The following SGCZ variants were observed in gnomAD, a reference collection of about 807,000 sequenced individuals.
The protein encoded by SGCZ is sarcoglycan zeta.
Under a neutral mutation model 41.3 loss-of-function variants are expected in SGCZ, and 40 were observed. The observed-to-expected ratio is 0.97, with a 90% CI of 0.75 to 1.26. The LOEUF is 1.26. Among genes scored for constraint, SGCZ ranks in the 50% most tolerant of loss-of-function variants. The pLI, the probability that SGCZ is intolerant of heterozygous loss-of-function variation, is 0.00. For missense variants in SGCZ, 552 were observed against 369.8 expected (o/e 1.49, Z -4.04); for synonymous variants, 206 against 137.5 (o/e 1.50, Z -3.49).
chr8:14,812,444 C>A (rs1290049580), intron 1 of SGCZ, among the ~76,000 whole-genome samples: 1 of 152,034 alleles, frequency 6.6e-6, no homozygotes, highest in East Asian at 1.9e-4. Context: ...TGTTTGTCAA[C>A]AAGGTAAAAC....
At chr8:15,186,661 T>C (rs556057267) in intron 1 of SGCZ, among the ~76,000 whole-genome samples, 1 of 152,188 alleles carries the variant, frequency 6.6e-6, no homozygotes, top group African/African-American at 2.4e-5. Context: ...CTTCACAAAG[T>C]TGCAGAAGGT....
intron 1 of SGCZ, among the ~76,000 whole-genome samples, chr8:14,769,737 G>A (rs1800167773): frequency 7.2e-6 from 1 of 139,328 alleles, no homozygotes; most frequent in African/African-American, 2.9e-5. Flanking sequence ...AGAGGTTGCA[G>A]TGAGCCAAGA....
At chr8:14,328,050 C>A in intron 2 of SGCZ, among the ~76,000 whole-genome samples, 1 of 152,188 alleles carries the variant, frequency 6.6e-6, no homozygotes. Flanking sequence ...GTCTATTTCT[C>A]CCTTTCTTTT....
intron 1 of SGCZ, among the ~76,000 whole-genome samples, chr8:14,929,661 CT>C (rs752469315): frequency 5.3e-5 from 8 of 152,106 alleles, no homozygotes; most frequent in South Asian, 2.1e-4. Flanking sequence ...GTGGAACCAC[CT>C]TTTGTAAGGC....
chr8:15,237,668 C>T lies in SGCZ; in HGVS notation c.-45G>A, dbSNP rs1415450862. 1 of 1,559,360 alleles carries T rather than the reference C, an allele frequency of 6.4e-7. No homozygotes were observed. The highest frequency in any genetic ancestry group is 1.9e-5 in the Admixed American group (1 of 52,804). ...TGGAGAGGAACCGGGCGAGTGGCAC[C>T]CAAAAACAATCTAGTCTTTTAGTTT... is the stretch of plus-strand genomic sequence containing the variant. On this transcript the variant is annotated 5_prime_UTR_variant, in exon 1 of 8. Coordinates refer to ENST00000382080, the MANE Select transcript of SGCZ (RefSeq NM_139167.4).
rs1390641230 is a variant in SGCZ at position 15,119,401 on chromosome 8, A to G, written c.39+118184T>C. On this transcript the variant is annotated intron_variant, in intron 1 of 7. Transcript: ENST00000382080. ...AAAAATTAGCTGAGCATGGTGGTCC[A>G]GGCCTGTGGTCCCAGCTACTCAGGA... is the stretch of plus-strand genomic sequence containing the variant. Among the ~76,000 whole-genome samples, 3 of 151,904 alleles carry G rather than the reference A, an allele frequency of 2.0e-5. No homozygotes were observed. The South Asian group carries it at 6.2e-4, about 32-fold the overall frequency.
chr8:14,918,962 T>G (rs554870483), intron 1 of SGCZ, among the ~76,000 whole-genome samples: 17 of 152,304 alleles, frequency 1.1e-4, no homozygotes, highest in African/African-American at 3.8e-4. Flanking sequence ...GAAGGAAGAC[T>G]GGGGGGTTTC....
rs1419943831 is a variant in SGCZ at position 15,060,524 on chromosome 8, T to TGG, written c.39+177059_39+177060dup. ...TGACACACCGGGGCCTGTTGTGGGG[T>TGG]GGGGGGAGGGGGGAGGGATAGCATT... On this transcript the variant is annotated intron_variant, in intron 1 of 7. Coordinates refer to ENST00000382080, the MANE Select transcript of SGCZ (RefSeq NM_139167.4). Among the ~76,000 whole-genome samples the TGG allele has an allele frequency of 6.7e-3, 246 of 36,572 alleles. 1 individual carries two copies. Among genetic ancestry groups the TGG allele is most frequent in the Middle Eastern group, 0.038 (1 of 26 alleles). 24.0% of individuals were successfully genotyped at this position (36,572 alleles called of 152,430 possible).
chr8:14,332,336 G>A (rs953490505), intron 2 of SGCZ, among the ~76,000 whole-genome samples: 2 of 152,134 alleles, frequency 1.3e-5, no homozygotes, highest in Non-Finnish European at 2.9e-5. Context: ...AGCTACTCAG[G>A]AGGTTGGGGC....
At chr8:14,438,724 A>T (rs960394687) in intron 2 of SGCZ, among the ~76,000 whole-genome samples, 8 of 151,986 alleles carry the variant, frequency 5.3e-5, no homozygotes, top group African/African-American at 2.4e-5. Context: ...CTTAATTTTA[A>T]TTTTTTTAAA....
At chr8:14,746,118 T>C (rs1245853111) in intron 1 of SGCZ, among the ~76,000 whole-genome samples, 1 of 152,066 alleles carries the variant, frequency 6.6e-6, no homozygotes, top group South Asian at 2.1e-4. Context: ...TCTATAAATA[T>C]ATTTGTACAG....
In SGCZ at chr8:14,791,021, A is replaced by G. The variant is rs1470186160; in HGVS notation, c.40-236095T>C. On this transcript the variant is annotated intron_variant, in intron 1 of 7. Coordinates refer to ENST00000382080, the MANE Select transcript of SGCZ (RefSeq NM_139167.4). ...CCTCAAGCCTGGGCAACAGAGTGAG[A>G]CTCTGTCTCAAAAAAAAAAGAAAAA... 1.2e-4 allele frequency among the ~76,000 whole-genome samples: 18 copies of G among 147,776 alleles called. No homozygotes were observed. The Admixed American group carries it at 1.2e-3, about 10-fold the overall frequency.
intron 5 of SGCZ, among the ~76,000 whole-genome samples, chr8:14,151,363 C>T (rs1175400314): frequency 3.3e-5 from 5 of 151,348 alleles, no homozygotes; most frequent in Non-Finnish European, 5.9e-5. Context: ...CACTTCAAAG[C>T]CAAATTAAAA....
chr8:14,347,003 T>C (rs767344523), intron 2 of SGCZ, among the ~76,000 whole-genome samples: 3 of 152,186 alleles, frequency 2.0e-5, no homozygotes, highest in African/African-American at 4.8e-5. Context: ...AAAATGCTTA[T>C]CCTAACATTT....
chr8:14,715,731 T>C (rs1028182365), intron 1 of SGCZ, among the ~76,000 whole-genome samples: 1 of 152,172 alleles, frequency 6.6e-6, no homozygotes, highest in African/African-American at 2.4e-5. Context: ...GTTTTGTCAG[T>C]ACCAATAGAG....
At position 15,237,778 on chromosome 8, in the gene SGCZ, G is replaced by C. The variant is rs186216935; in HGVS notation, c.-155C>G. On this transcript the variant is annotated 5_prime_UTR_variant, in exon 1 of 8. Coordinates refer to ENST00000382080, the MANE Select transcript of SGCZ (RefSeq NM_139167.4). ...TCCGTGGTCACGCCGCCTCCACCGG[G>C]TTAAAAATAAGGAAAATAAATAAAT... The C allele has an allele frequency of 5.7e-3, 3,648 of 637,314 alleles. 15 individuals are homozygous for C. The highest frequency in any genetic ancestry group is 7.9e-3 in the Non-Finnish European group (2,838 of 361,512). 39.5% of individuals were successfully genotyped at this position (637,314 alleles called of 1,614,324 possible). A position where few individuals can be genotyped will look rare whatever the true frequency, so the allele number is the denominator to read the frequency against.
chr8:14,457,410 G>T (rs1327360665), intron 2 of SGCZ, among the ~76,000 whole-genome samples: 8 of 152,188 alleles, frequency 5.3e-5, no homozygotes, highest in Admixed American at 5.2e-4. Context: ...AACAACACCC[G>T]CTACTTAGCA....
rs576277955 is a variant in SGCZ at position 14,918,440 on chromosome 8, C to T, written c.39+319145G>A. On this transcript the variant is annotated intron_variant, in intron 1 of 7. Coordinates refer to ENST00000382080, the MANE Select transcript of SGCZ (RefSeq NM_139167.4). ...TGTTTTTAAATAAAATTTATCATTT[C>T]GGTTTTAAACAAATTTTACACAGCT... Among the ~76,000 whole-genome samples the T allele has an allele frequency of 1.1e-3, 170 of 152,046 alleles. 2 individuals are homozygous for T. Among genetic ancestry groups the T allele is most frequent in the African/African-American group, 3.8e-3 (159 of 41,494 alleles).
intron 5 of SGCZ, among the ~76,000 whole-genome samples, chr8:14,116,688 T>C (rs536608518): frequency 5.3e-5 from 8 of 152,224 alleles, no homozygotes; most frequent in African/African-American, 1.9e-4. Flanking sequence ...TGATTTTTAT[T>C]TTATCACTTG....
Sources: allele counts gnomAD v4.1 joint callset (sites outside exome capture counted in the v4.1 genomes callset), GRCh38; gene constraint gnomAD v4.1.1; transcripts MANE v1.5; gene names NCBI Gene and HGNC (gene_info 2026-07-23, HGNC 2026-07-21).